The following SCHIP1 variants were observed in gnomAD, a reference collection of about 807,000 sequenced individuals.
SCHIP1 encodes schwannomin interacting protein 1.
SCHIP1 carries 8 observed loss-of-function variants against 29.7 expected under a neutral mutation model. The ratio of observed to expected loss-of-function variants is 0.27; its 90% CI spans 0.16 to 0.49. The LOEUF (loss-of-function observed/expected upper bound fraction) is 0.49, where lower values mean the gene tolerates loss of function less well. Ranked by LOEUF, SCHIP1 falls within the 20% of genes least tolerant of loss-of-function variation. The probability of loss-of-function intolerance (pLI) is 0.99; values close to 1 mark genes in which losing one functional copy is unlikely to be tolerated. For synonymous variants in SCHIP1, 76 were observed against 94.9 expected, an observed-to-expected ratio of 0.80 and a Z score of 1.16; for missense variants, 193 against 294.6, an observed-to-expected ratio of 0.66 and a Z score of 2.52.
At chr3:159,570,192 G>T in the SCHIP1 span, among the ~76,000 whole-genome samples, 1 of 152,132 alleles carries the variant, frequency 6.6e-6, no homozygotes, top group Non-Finnish European at 1.5e-5. Flanking sequence ...CATTGCTTTT[G>T]GTGTTTTAGT....
At chr3:159,883,766 G>T (rs1387043015) in intron 2 of SCHIP1, among the ~76,000 whole-genome samples, 1 of 152,104 alleles carries the variant, frequency 6.6e-6, no homozygotes, top group Non-Finnish European at 1.5e-5. Flanking sequence ...GTTTCCTATG[G>T]GGATAATGTG....
the SCHIP1 span, among the ~76,000 whole-genome samples, chr3:159,667,673 C>T: frequency 5.3e-5 from 8 of 152,020 alleles, no homozygotes; most frequent in African/African-American, 1.4e-4. Context: ...AAAGCCAGCA[C>T]GATCCCCACA....
At chr3:159,435,045 A>C in the SCHIP1 span, among the ~76,000 whole-genome samples, 5 of 152,262 alleles carry the variant, frequency 3.3e-5, 1 homozygote, top group South Asian at 1.0e-3. Context: ...TTCTGTGCAT[A>C]ATAACTATGT....
At chr3:159,370,828 T>G in the SCHIP1 span, among the ~76,000 whole-genome samples, 128 of 152,268 alleles carry the variant, frequency 8.4e-4, 1 homozygote, top group Middle Eastern at 0.01. Flanking sequence ...CTCCCCAGTT[T>G]TCAGGCCTTC....
chr3:159,286,746 A>G, the SCHIP1 span, among the ~76,000 whole-genome samples: 1 of 152,094 alleles, frequency 6.6e-6, no homozygotes, highest in South Asian at 2.1e-4. Context: ...TTATTTTTTG[A>G]CTTTTTAATA....
At chr3:159,580,232 G>A in the SCHIP1 span, among the ~76,000 whole-genome samples, 1 of 151,960 alleles carries the variant, frequency 6.6e-6, no homozygotes, top group African/African-American at 2.4e-5. Flanking sequence ...TATCCTGAGG[G>A]CTCTACCAGG....
the SCHIP1 span, among the ~76,000 whole-genome samples, chr3:159,696,349 C>T: frequency 3.9e-5 from 6 of 152,110 alleles, no homozygotes; most frequent in Middle Eastern, 9.5e-3. Context: ...TTGGAATGCC[C>T]TTCTTTCTGT....
chr3:159,635,997 A>G, the SCHIP1 span, among the ~76,000 whole-genome samples: 4 of 149,076 alleles, frequency 2.7e-5, no homozygotes, highest in East Asian at 2.0e-4. Context: ...TTTTCTTTTG[A>G]AAAAAAATGG....
the SCHIP1 span, among the ~76,000 whole-genome samples, chr3:159,427,793 T>C: frequency 6.6e-6 from 1 of 152,090 alleles, no homozygotes; most frequent in Non-Finnish European, 1.5e-5. Flanking sequence ...GACTTCAAAC[T>C]ATACTACAAG....
chr3:159,696,985 C>T, the SCHIP1 span, among the ~76,000 whole-genome samples: 190 of 152,212 alleles, frequency 1.2e-3, no homozygotes, highest in African/African-American at 4.5e-3. Context: ...TCTAAGGAAG[C>T]CAGATTTGTT....
At chr3:159,448,273 C>A in the SCHIP1 span, among the ~76,000 whole-genome samples, 1 of 152,044 alleles carries the variant, frequency 6.6e-6, no homozygotes, top group African/African-American at 2.4e-5. Context: ...AAAATCGAGA[C>A]CATCCTGGCT....
chr3:159,697,203 C>T, the SCHIP1 span, among the ~76,000 whole-genome samples: 1 of 151,924 alleles, frequency 6.6e-6, no homozygotes, highest in Non-Finnish European at 1.5e-5. Flanking sequence ...TTTAGAGCTG[C>T]CTATGAGGTA....
the SCHIP1 span, among the ~76,000 whole-genome samples, chr3:159,393,264 G>A: frequency 1.3e-5 from 2 of 152,076 alleles, no homozygotes; most frequent in East Asian, 3.9e-4. Context: ...TTTGTAGGTT[G>A]CCTGTTCACT....
chr3:159,584,628 C>T, the SCHIP1 span, among the ~76,000 whole-genome samples: 1 of 152,114 alleles, frequency 6.6e-6, no homozygotes, highest in Non-Finnish European at 1.5e-5. Flanking sequence ...ACCATCAAAA[C>T]ATACGTATCA....
At chr3:159,528,890 G>A in the SCHIP1 span, among the ~76,000 whole-genome samples, 8 of 152,126 alleles carry the variant, frequency 5.3e-5, no homozygotes, top group Admixed American at 5.2e-4. Flanking sequence ...ATCCTCACCA[G>A]AACACTCCAA....
At chr3:159,715,254 A>G in the SCHIP1 span, among the ~76,000 whole-genome samples, 1,427 of 152,362 alleles carry the variant, frequency 9.4e-3, 25 homozygotes, top group African/African-American at 0.033. Flanking sequence ...CATCACCATC[A>G]TCAAAGACCA....
At chr3:159,296,498 G>A in the SCHIP1 span, among the ~76,000 whole-genome samples, 7 of 152,170 alleles carry the variant, frequency 4.6e-5, no homozygotes, top group Non-Finnish European at 8.8e-5. Flanking sequence ...CTCAGGCTGG[G>A]TGTGGTGGCT....
the SCHIP1 span, among the ~76,000 whole-genome samples, chr3:159,671,703 C>A: frequency 6.6e-6 from 1 of 152,156 alleles, no homozygotes; most frequent in East Asian, 1.9e-4. Flanking sequence ...ATTTCTCCCC[C>A]TAAAATGTTC....
the SCHIP1 span, among the ~76,000 whole-genome samples, chr3:159,815,987 C>A: frequency 7.7e-6 from 1 of 129,268 alleles, no homozygotes; most frequent in South Asian, 2.7e-4. Context: ...CTCTCTCTGT[C>A]GCCCAGGCAG....
Sources: allele counts gnomAD v4.1 joint callset (sites outside exome capture counted in the v4.1 genomes callset), GRCh38; gene constraint gnomAD v4.1.1; transcripts MANE v1.5; gene names NCBI Gene and HGNC (gene_info 2026-07-23, HGNC 2026-07-21).